GRIK4: variants seen among roughly 807,000 people sequenced by gnomAD.
GRIK4 encodes glutamate receptor ionotropic, kainate 4.
A neutral mutation model predicts 104.9 loss-of-function variants in GRIK4; 40 were observed. The ratio of observed to expected loss-of-function variants is 0.38; its 90% CI spans 0.30 to 0.50. The LOEUF (loss-of-function observed/expected upper bound fraction) is 0.50, where lower values mean the gene tolerates loss of function less well. Ranked by LOEUF, GRIK4 falls within the 20% of genes least tolerant of loss-of-function variation. The pLI, the probability that GRIK4 is intolerant of heterozygous loss-of-function variation, is 0.93. For missense variants in GRIK4, 1,047 were observed against 1,308.1 expected (o/e 0.80, Z 3.08); for synonymous variants, 485 against 524.9 (o/e 0.92, Z 1.04).
intron 8 of GRIK4, among the ~76,000 whole-genome samples, chr11:120,839,300 G>A (rs1423771810): frequency 1.3e-5 from 2 of 152,328 alleles, no homozygotes; most frequent in East Asian, 3.9e-4. Flanking sequence ...AGCTTTTAGA[G>A]AACAAGCATG....
Position 120,862,002 on chromosome 11 carries a change from T to A in GRIK4, c.788T>A (p.Val263Asp). Residue 263 changes from valine to aspartate, a missense_variant, in exon 9 of 21, where the codon GTC becomes GAC. Val to Asp is a radical substitution (Grantham distance 152). Coordinates refer to ENST00000527524, the MANE Select transcript of GRIK4 (RefSeq NM_014619.5). ...QRMDSLVDDR[V>D]NILGFSIFNQ... is the part of the protein sequence containing the mutation. Reference sequence around the variant, plus strand: ...ATGGACAGCCTTGTGGATGATCGTGTCAACATCCTGGGATTTTCCATTTTC... The same window carrying A: ...ATGGACAGCCTTGTGGATGATCGTGACAACATCCTGGGATTTTCCATTTTC... 2 of 1,613,826 alleles carry A rather than the reference T, an allele frequency of 1.2e-6. No homozygotes were observed.
chr11:120,973,324 A>C (rs1944506904), intron 19 of GRIK4, among the ~76,000 whole-genome samples: 1 of 152,152 alleles, frequency 6.6e-6, no homozygotes, highest in Admixed American at 6.5e-5. Context: ...GGCTTCCAGG[A>C]AAGATGGAAA....
rs1212366197 is a variant in GRIK4 at position 120,956,226 on chromosome 11, G to A, written c.1701-554G>A. On this transcript the variant is annotated intron_variant, in intron 15 of 20. Coordinates refer to ENST00000527524, the MANE Select transcript of GRIK4 (RefSeq NM_014619.5). The surrounding 1 kb of genome is among the most constrained non-coding windows in gnomAD (Gnocchi z 4.6). ...ATCTTTTTTTTTTTTTTTGAGACAG[G>A]GTCTCACTCTGTTTGTCCAGGCTGG... Among the ~76,000 whole-genome samples, 1 of 150,450 alleles carries A rather than the reference G, an allele frequency of 6.6e-6. No individual in the cohort carries two copies. Among genetic ancestry groups the A allele is most frequent in the African/African-American group, 2.5e-5 (1 of 40,806 alleles).
At chr11:120,860,015 A>G (rs768305431) in intron 8 of GRIK4, among the ~76,000 whole-genome samples, 10 of 152,204 alleles carry the variant, frequency 6.6e-5, no homozygotes, top group Non-Finnish European at 1.3e-4. Context: ...GGGTGGCGCC[A>G]GGGGCCTACA....
intron 19 of GRIK4, among the ~76,000 whole-genome samples, chr11:120,969,387 A>G (rs1184937328): frequency 1.3e-5 from 2 of 152,164 alleles, no homozygotes; most frequent in Non-Finnish European, 2.9e-5. Flanking sequence ...AGGGCATTGC[A>G]GGCAGATACG....
intron 3 of GRIK4, among the ~76,000 whole-genome samples, chr11:120,697,106 G>A (rs1267360742): frequency 1.3e-5 from 2 of 152,072 alleles, no homozygotes; most frequent in South Asian, 2.1e-4. Context: ...CCTTCCTGAC[G>A]GTATCACTCC....
intron 1 of GRIK4, among the ~76,000 whole-genome samples, chr11:120,543,641 C>T (rs1948058703): frequency 6.6e-6 from 1 of 152,186 alleles, no homozygotes; most frequent in Admixed American, 6.5e-5. Flanking sequence ...CCAGTAATCC[C>T]ACTTCTGGGT....
intron 3 of GRIK4, among the ~76,000 whole-genome samples, chr11:120,699,359 C>A (rs1230322088): frequency 6.6e-6 from 1 of 152,226 alleles, no homozygotes; most frequent in East Asian, 1.9e-4. Context: ...ACCTGCACAG[C>A]CCCATGACAA....
intron 13 of GRIK4, among the ~76,000 whole-genome samples, chr11:120,931,014 G>A (rs371593389): frequency 1.3e-4 from 20 of 152,300 alleles, no homozygotes; most frequent in Non-Finnish European, 2.9e-5. Context: ...CAGGTAATGT[G>A]TTTTGTGCAT....
chr11:120,797,860 G>T (rs774511871), intron 3 of GRIK4, among the ~76,000 whole-genome samples: 1 of 152,146 alleles, frequency 6.6e-6, no homozygotes, highest in African/African-American at 2.4e-5. Context: ...AGATTCGCAC[G>T]TTCCCTATTT....
At chr11:120,820,604 A>T (rs1265183199) in intron 6 of GRIK4, among the ~76,000 whole-genome samples, 1 of 152,168 alleles carries the variant, frequency 6.6e-6, no homozygotes, top group Non-Finnish European at 1.5e-5. Flanking sequence ...ATGTGGTCAA[A>T]CAGGTGCTGG....
At chr11:120,525,091 T>C (rs61900876) in intron 1 of GRIK4, among the ~76,000 whole-genome samples, 16,324 of 152,018 alleles carry the variant, frequency 0.11, 1,139 homozygotes, top group African/African-American at 0.2. Flanking sequence ...TCCAAAGAAG[T>C]CTGAGGCCAA....
Position 120,524,313 on chromosome 11 carries a change from G to A in GRIK4, c.-159+12426G>A, listed in dbSNP as rs891964177. Among the ~76,000 whole-genome samples, 47 of 152,318 alleles carry A rather than the reference G, an allele frequency of 3.1e-4. No homozygotes were observed. Among genetic ancestry groups the A allele is most frequent in the Non-Finnish European group, 1.5e-4 (10 of 68,042 alleles). ...GAACGGCTGCTTTGGTGAGCCGCTT[G>A]TCTGCAGAGGCCCTGGACTCTGGAG... On this transcript the variant is annotated intron_variant, in intron 1 of 20. Transcript: ENST00000527524. The surrounding 1 kb of genome is among the most constrained non-coding windows in gnomAD (Gnocchi z 4.5).
chr11:120,947,343 A>G (rs1014209899), intron 14 of GRIK4, among the ~76,000 whole-genome samples: 3 of 151,478 alleles, frequency 2.0e-5, no homozygotes, highest in African/African-American at 7.3e-5. Context: ...TGGAGGTTGT[A>G]GTGAGCCGAG....
chr11:120,562,009 A>G (rs1319307250), intron 1 of GRIK4, among the ~76,000 whole-genome samples: 1 of 152,178 alleles, frequency 6.6e-6, no homozygotes, highest in Non-Finnish European at 1.5e-5. Context: ...CTTATCATTC[A>G]TTAGCTCAGC....
intron 1 of GRIK4, among the ~76,000 whole-genome samples, chr11:120,522,431 C>T (rs576429069): frequency 6.6e-6 from 1 of 152,322 alleles, no homozygotes; most frequent in South Asian, 2.1e-4. Flanking sequence ...GAGCGATTCT[C>T]CTGCCTCAGC....
At chr11:120,562,489 G>A (rs1948251498) in intron 1 of GRIK4, among the ~76,000 whole-genome samples, 1 of 152,202 alleles carries the variant, frequency 6.6e-6, no homozygotes, top group South Asian at 2.1e-4. Flanking sequence ...CTAGAAGGAT[G>A]TAAAGGAACC....
At position 120,986,618 on chromosome 11, in the gene GRIK4, A is replaced by G; in HGVS notation, c.*358A>G. The G allele has an allele frequency of 5.0e-6, 1 of 200,622 alleles. No individual in the cohort carries two copies. The allele number at this position is 200,622 out of a possible 1,614,324, so 12.4% of individuals were successfully genotyped here. On this transcript the variant is annotated 3_prime_UTR_variant, in exon 21 of 21. Coordinates refer to ENST00000527524, the MANE Select transcript of GRIK4 (RefSeq NM_014619.5). ...ATGAATTGGTGGAATCATCAGTTGA[A>G]TTTCCCCCTAGTCAGGGGCCAATGT...
chr11:120,723,044 A>G (rs867628701), intron 3 of GRIK4, among the ~76,000 whole-genome samples: 1 of 152,174 alleles, frequency 6.6e-6, no homozygotes, highest in African/African-American at 2.4e-5. Flanking sequence ...TGCATATACT[A>G]TCTCTATTCT....
Sources: gnomAD v4.1 joint callset for allele counts (sites outside exome capture counted in the v4.1 genomes callset) on GRCh38, gnomAD v4.1.1 for gene constraint, Gnocchi (gnomAD v3.1) non-coding constraint, MANE v1.5 for transcripts, NCBI Gene and HGNC (gene_info 2026-07-23, HGNC 2026-07-21) for gene names.